NDRG4: variants seen among roughly 807,000 people sequenced by gnomAD.
NDRG4 encodes protein NDRG4.
In NDRG4, 38 loss-of-function variants were observed where a neutral mutation model predicts 55.8. The observed-to-expected ratio is 0.68, with a 90% CI of 0.53 to 0.89. NDRG4 has a LOEUF of 0.89. Ranked by LOEUF, NDRG4 falls within the 40% of genes least tolerant of loss-of-function variation. The pLI, the probability that NDRG4 is intolerant of heterozygous loss-of-function variation, is 0.00. For synonymous variants in NDRG4, 190 were observed against 182.7 expected, an observed-to-expected ratio of 1.04 and a Z score of -0.32; for missense variants, 455 against 468.6, an observed-to-expected ratio of 0.97 and a Z score of 0.27.
At chr16:58,506,878 C>T (rs533271168) in intron 7 of NDRG4, 34 bp from the exon 8 acceptor site, 142 of 1,586,326 alleles carry the variant, frequency 9.0e-5, no homozygotes, top group Non-Finnish European at 1.2e-4. Flanking sequence ...CTGTCTGCCC[C>T]TCTGCATGCC....
At chr16:58,483,289 A>G (rs2034688063) in intron 1 of NDRG4, among the ~76,000 whole-genome samples, 1 of 152,148 alleles carries the variant, frequency 6.6e-6, no homozygotes, top group South Asian at 2.1e-4. Flanking sequence ...GGGTCTCAGC[A>G]TGGAATCACA....
chr16:58,475,857 C>G (rs905937947), intron 1 of NDRG4, among the ~76,000 whole-genome samples: 1 of 151,744 alleles, frequency 6.6e-6, no homozygotes, highest in African/African-American at 2.4e-5. Context: ...AGTGCAGTGG[C>G]ACAATCTTGG....
chr16:58,506,366 C>T, intron 5 of NDRG4, 21 bp from the exon 6 acceptor site: 8 of 1,612,956 alleles, frequency 5.0e-6, no homozygotes, highest in Non-Finnish European at 6.8e-6. Flanking sequence ...CCGCCCGGCC[C>T]TGTTTCCCCT....
At position 58,512,336 on chromosome 16, in the gene NDRG4, G is replaced by A; in HGVS notation, c.*760G>A. 3.0e-6 allele frequency: 1 copy of A among 330,724 alleles called. No individual in the cohort carries two copies. Among genetic ancestry groups the A allele is most frequent in the Non-Finnish European group, 5.9e-6 (1 of 169,096 alleles). 20.5% of individuals were successfully genotyped at this position (330,724 alleles called of 1,614,324 possible). A position where few individuals can be genotyped will look rare whatever the true frequency, so the allele number is the denominator to read the frequency against. ...CTCTGTCCCCACAGTGACCTGACTG[G>A]GGGTGAGGGAGAAGGAGGAGAGAGC... is the stretch of plus-strand genomic sequence containing the variant. On this transcript the variant is annotated 3_prime_UTR_variant, in exon 15 of 15. Transcript: ENST00000570248.
At chr16:58,492,184 A>G (rs773917756) in intron 2 of NDRG4, among the ~76,000 whole-genome samples, 1 of 152,004 alleles carries the variant, frequency 6.6e-6, no homozygotes, top group African/African-American at 2.4e-5. Context: ...CTGCCCGCCC[A>G]CTGCTGGAGC....
chr16:58,509,742 G>A (rs1475278918), intron 13 of NDRG4, among the ~76,000 whole-genome samples: 1 of 152,200 alleles, frequency 6.6e-6, no homozygotes, highest in Non-Finnish European at 1.5e-5. Context: ...TGGGGTCAGA[G>A]CTGGGTCTAT....
chr16:58,470,954 A>G (rs2032687265), intron 1 of NDRG4, among the ~76,000 whole-genome samples: 1 of 151,704 alleles, frequency 6.6e-6, no homozygotes, highest in African/African-American at 2.4e-5. Flanking sequence ...ATTCAAAAAC[A>G]GAAGAACAGG....
intron 1 of NDRG4, among the ~76,000 whole-genome samples, chr16:58,477,329 T>G (rs1316365137): frequency 1.3e-5 from 2 of 152,080 alleles, no homozygotes; most frequent in Non-Finnish European, 2.9e-5. Context: ...TAGGTCTCCT[T>G]GGAGAAATGG....
rs2038829951 is a variant in NDRG4 at position 58,511,767 on chromosome 16, T to C, written c.*191T>C. ...GTTTTAAGGGGCTCAGTCCTCCTCA[T>C]CCCATCTCACTCTCCGTGGTAACTT... On this transcript the variant is annotated 3_prime_UTR_variant, in exon 15 of 15. Transcript: ENST00000570248. 1.5e-5 allele frequency: 11 copies of C among 718,652 alleles called. No homozygotes were observed. The highest frequency in any genetic ancestry group is 2.7e-5 in the Non-Finnish European group (11 of 414,984). 44.5% of individuals were successfully genotyped at this position (718,652 alleles called of 1,614,324 possible).
At position 58,504,661 on chromosome 16, in the gene NDRG4, CA is replaced by C; in HGVS notation, c.372+13del. On this transcript the variant is annotated intron_variant, in intron 5 of 14. Transcript: ENST00000570248. ...TGGCCAAGTTTGCAGTGAGTCTCCC[CA>C]TGCCCCCATTACCCCAAACACCAGG... 2 of 1,614,202 alleles carry C rather than the reference CA, an allele frequency of 1.2e-6. No homozygotes were observed. The highest frequency in any genetic ancestry group is 1.7e-6 in the Non-Finnish European group (2 of 1,180,016).
chr16:58,502,343 C>T (rs564830928), intron 1 of NDRG4, among the ~76,000 whole-genome samples: 1 of 152,262 alleles, frequency 6.6e-6, no homozygotes, highest in South Asian at 2.1e-4. Flanking sequence ...GTGGCCTCCT[C>T]ATCCCCTGGG....
intron 2 of NDRG4, among the ~76,000 whole-genome samples, chr16:58,493,470 C>T (rs893571045): frequency 6.6e-6 from 1 of 152,172 alleles, no homozygotes; most frequent in African/African-American, 2.4e-5. Context: ...GGTTTTGACA[C>T]GTTGGCCAGG....
At position 58,505,160 on chromosome 16, in the gene NDRG4, T is replaced by C. The variant is rs550766600; in HGVS notation, c.372+511T>C. 1.1e-3 allele frequency among the ~76,000 whole-genome samples: 165 copies of C among 152,146 alleles called. No individual in the cohort carries two copies. The South Asian group carries it at 0.017, about 16-fold the overall frequency. ...GTCAGGAGATCAAGACCATCCTGGC[T>C]AACACGGTGAAACCCAGTCTCTACT... On this transcript the variant is annotated intron_variant, in intron 5 of 14. Transcript: ENST00000570248.
chr16:58,467,225 AGGCTGGGCACAGT>A (rs796773852), intron 1 of NDRG4, among the ~76,000 whole-genome samples: 5 of 152,312 alleles, frequency 3.3e-5, no homozygotes, highest in African/African-American at 1.2e-4. Context: ...CTCATATTGA[AGGCTGGGCACAGT>A]GGCTCACACC....
upstream of NDRG4, among the ~76,000 whole-genome samples, chr16:58,497,238 C>T (rs1309953516): frequency 6.6e-6 from 1 of 152,120 alleles, no homozygotes; most frequent in Non-Finnish European, 1.5e-5. Context: ...AGGAGAATGG[C>T]TTGAACCCGG....
At chr16:58,481,108 G>A (rs186305986) in intron 1 of NDRG4, among the ~76,000 whole-genome samples, 195 of 151,974 alleles carry the variant, frequency 1.3e-3, no homozygotes, top group African/African-American at 3.8e-3. Flanking sequence ...CTTACCAGTC[G>A]TAATACCTTG....
chr16:58,494,905 C>T (rs1254689048), intron 2 of NDRG4: 53 of 1,510,652 alleles, frequency 3.5e-5, no homozygotes, highest in South Asian at 1.0e-4. Flanking sequence ...TAAGGCCCCA[C>T]GGGCTCCCCA....
chr16:58,505,673 G>A (rs1457251837), intron 5 of NDRG4, among the ~76,000 whole-genome samples: 1 of 140,788 alleles, frequency 7.1e-6, no homozygotes, highest in Non-Finnish European at 1.5e-5. Context: ...CTTTGAAAAG[G>A]TTGTTTTTTT....
chr16:58,466,483 A>G (rs1039741606), intron 1 of NDRG4, among the ~76,000 whole-genome samples: 3 of 152,184 alleles, frequency 2.0e-5, no homozygotes, highest in Admixed American at 6.5e-5. Context: ...CTGTTCTCTC[A>G]TCTCCTGGAT....
Sources: allele counts gnomAD v4.1 joint callset (sites outside exome capture counted in the v4.1 genomes callset), GRCh38; gene constraint gnomAD v4.1.1; transcripts MANE v1.5; gene names NCBI Gene and HGNC (gene_info 2026-07-23, HGNC 2026-07-21).